Variants in MEIOB observed in about 807,000 individuals in gnomAD.
MEIOB encodes meiosis-specific with OB domain-containing protein.
Under a neutral mutation model 53.1 loss-of-function variants are expected in MEIOB, and 50 were observed. The observed-to-expected ratio is 0.94, with a 90% CI of 0.75 to 1.19. The LOEUF (loss-of-function observed/expected upper bound fraction) is 1.19, where lower values mean the gene tolerates loss of function less well. MEIOB is among the 50% of genes most tolerant of loss of function. The probability of loss-of-function intolerance (pLI) is 0.00; values close to 1 mark genes in which losing one functional copy is unlikely to be tolerated. For missense variants in MEIOB, 551 were observed against 550.8 expected (o/e 1.00, Z 0.00); for synonymous variants, 192 against 182.5 (o/e 1.05, Z -0.42).
intron 6 of MEIOB, among the ~76,000 whole-genome samples, chr16:1,855,727 G>C (rs184168879): frequency 3.9e-5 from 6 of 152,272 alleles, no homozygotes; most frequent in African/African-American, 1.2e-4. Context: ...TGCCTACAAA[G>C]TGACTTCTCC....
chr16:1,869,636 A>G (rs1360860103), intron 1 of MEIOB, among the ~76,000 whole-genome samples: 1 of 151,674 alleles, frequency 6.6e-6, no homozygotes, highest in African/African-American at 2.4e-5. Context: ...CATTTTTAGT[A>G]GAGACGGGGT....
intron 9 of MEIOB, among the ~76,000 whole-genome samples, chr16:1,852,254 C>CTTTT (rs56066518): frequency 3.2e-5 from 3 of 94,010 alleles, no homozygotes; most frequent in Non-Finnish European, 5.9e-5. Context: ...TGGTTTTTCA[C>CTTTT]TTTTTTTTTT....
At chr16:1,858,385 G>C (rs967364511) in intron 5 of MEIOB, among the ~76,000 whole-genome samples, 2 of 152,082 alleles carry the variant, frequency 1.3e-5, no homozygotes, top group African/African-American at 4.8e-5. Flanking sequence ...CAGTGAGCCC[G>C]AACTGAGGAG....
chr16:1,867,021 G>C (rs1015856738), intron 2 of MEIOB, among the ~76,000 whole-genome samples: 1 of 152,066 alleles, frequency 6.6e-6, no homozygotes, highest in Non-Finnish European at 1.5e-5. Context: ...TATCTGAAGA[G>C]ACCATTATTA....
At chr16:1,848,016 C>T (rs1444415149) in intron 9 of MEIOB, among the ~76,000 whole-genome samples, 2 of 152,118 alleles carry the variant, frequency 1.3e-5, no homozygotes, top group Admixed American at 6.6e-5. Flanking sequence ...GGCATGAACA[C>T]AGCTCACTGC....
At chr16:1,835,435 C>A (rs1898717064) in intron 13 of MEIOB, among the ~76,000 whole-genome samples, 1 of 151,936 alleles carries the variant, frequency 6.6e-6, no homozygotes. Context: ...ATTTATACAG[C>A]ACTTTAACCA....
chr16:1,838,702 A>G (rs1297329718), intron 12 of MEIOB, among the ~76,000 whole-genome samples: 1 of 150,384 alleles, frequency 6.6e-6, no homozygotes, highest in African/African-American at 2.4e-5. Context: ...TTTTTTTTTT[A>G]ATTATTTGGA....
intron 11 of MEIOB, among the ~76,000 whole-genome samples, chr16:1,840,649 C>T (rs1162434012): frequency 1.3e-5 from 2 of 151,776 alleles, no homozygotes; most frequent in African/African-American, 2.4e-5. Flanking sequence ...CCCAGGTCCA[C>T]GCCATTCTCC....
In MEIOB at chr16:1,865,892, T is replaced by G; in HGVS notation, c.70-57A>C. The G allele has an allele frequency of 4.2e-6, 5 of 1,188,134 alleles. No homozygotes were observed. The South Asian group carries it at 7.1e-5, about 17-fold the overall frequency. 73.6% of individuals were successfully genotyped at this position (1,188,134 alleles called of 1,614,324 possible). On this transcript the variant is annotated intron_variant, in intron 2 of 13. Coordinates refer to ENST00000325962, the MANE Select transcript of MEIOB (RefSeq NM_001163560.3). ...ATTAAACACAGATGTACTTGATAAA[T>G]TTAATTTCATGGGCTTGTTATACTT...
chr16:1,866,012 A>G (rs1479627032), intron 2 of MEIOB, among the ~76,000 whole-genome samples, 177 bp from the exon 3 acceptor site: 1 of 152,226 alleles, frequency 6.6e-6, no homozygotes, highest in Non-Finnish European at 1.5e-5. Flanking sequence ...TCAATTCCAC[A>G]AGGAATAGTA....
chr16:1,839,201 A>G, intron 12 of MEIOB, 54 bp downstream of exon 12: 1 of 1,477,338 alleles, frequency 6.8e-7, no homozygotes, highest in East Asian at 2.4e-5. Flanking sequence ...TTTTTTTGGG[A>G]AAAAGCATTC....
Position 1,857,864 on chromosome 16 carries a change from G to T in MEIOB, c.399C>A (p.Asp133Glu). ...AATGTATCAAAGAAAGTAACTTTGT[G>T]TCCACTTCATAACTGGAACAAACTT... ...TVKVCSSYEV[D>E]TKLLSLIHLP... Residue 133 changes from aspartate (D) to glutamate (E), a missense_variant, in exon 6 of 14, where the codon GAC (aspartate) becomes GAA (glutamate). Coordinates refer to ENST00000325962, the MANE Select transcript of MEIOB (RefSeq NM_001163560.3). 1.3e-6 allele frequency: 2 copies of T among 1,551,092 alleles called. No individual in the cohort carries two copies. Among genetic ancestry groups the T allele is most frequent in the Non-Finnish European group, 1.7e-6 (2 of 1,146,526 alleles).
intron 6 of MEIOB, among the ~76,000 whole-genome samples, chr16:1,856,828 A>C (rs1899321243): frequency 7.7e-6 from 1 of 129,778 alleles, no homozygotes; most frequent in Non-Finnish European, 1.5e-5. Context: ...CAGTGGCATG[A>C]TTTTGGCTCA....
At chr16:1,864,046 T>C (rs1404576340) in intron 3 of MEIOB, among the ~76,000 whole-genome samples, 2 of 152,164 alleles carry the variant, frequency 1.3e-5, no homozygotes, top group Non-Finnish European at 2.9e-5. Flanking sequence ...CTGGGCTACA[T>C]GCGAGGCTGA....
intron 10 of MEIOB, among the ~76,000 whole-genome samples, chr16:1,843,091 G>A (rs1381484453): frequency 2.0e-5 from 3 of 150,780 alleles, no homozygotes; most frequent in Non-Finnish European, 4.4e-5. Flanking sequence ...TCAGGAGATC[G>A]CGACCATCCT....
rs920564088 is a variant in MEIOB at position 1,865,816 on chromosome 16, A to G, written c.89T>C (p.Ile30Thr). 6.5e-7 allele frequency: 1 copy of G among 1,548,986 alleles called. No homozygotes were observed. The highest frequency in any genetic ancestry group is 2.5e-5 in the East Asian group (1 of 40,812). ...MANLKVIGIV[I>T]GKTDVKGFPD... The stretch of plus-strand genomic sequence containing the variant: ...AAAGCCTTTGACATCTGTTTTCCCA[A>G]TAACTATACCGATAACTTTCTGAAA... Residue 30 changes from isoleucine (I) to threonine (T), a missense_variant, in exon 3 of 14, where the codon ATT becomes ACT. Ile to Thr is a moderately conservative substitution (Grantham distance 89). Transcript: ENST00000325962.
At chr16:1,848,504 G>A (rs887588091) in intron 9 of MEIOB, among the ~76,000 whole-genome samples, 8 of 148,646 alleles carry the variant, frequency 5.4e-5, no homozygotes, top group African/African-American at 2.0e-4. Flanking sequence ...GCAATAAGGA[G>A]AATCCTATCA....
At chr16:1,863,503 C>T (rs968144248) in intron 3 of MEIOB, among the ~76,000 whole-genome samples, 3 of 151,996 alleles carry the variant, frequency 2.0e-5, no homozygotes, top group African/African-American at 7.3e-5. Flanking sequence ...TCTCCTGCCT[C>T]ACCCTCCCAA....
At chr16:1,854,364 A>G (rs188078881) in intron 6 of MEIOB, among the ~76,000 whole-genome samples, 164 bp from the exon 7 acceptor site, 2 of 152,378 alleles carry the variant, frequency 1.3e-5, no homozygotes, top group East Asian at 3.9e-4. Flanking sequence ...ATCTATCTCT[A>G]AACTACATGT....
Sources: allele counts gnomAD v4.1 joint callset (sites outside exome capture counted in the v4.1 genomes callset), GRCh38; gene constraint gnomAD v4.1.1; transcripts MANE v1.5; gene names NCBI Gene and HGNC (gene_info 2026-07-23, HGNC 2026-07-21).